WDR36: variants seen among roughly 807,000 people sequenced by gnomAD.
WDR36 encodes WD repeat domain 36.
WDR36 carries 63 observed loss-of-function variants against 112.7 expected under a neutral mutation model. The observed-to-expected ratio is 0.56, with a 90% CI of 0.46 to 0.69. WDR36 has a LOEUF of 0.69. Ranked by LOEUF, WDR36 falls within the 30% of genes least tolerant of loss-of-function variation. The probability of loss-of-function intolerance (pLI) is 0.00; values close to 1 mark genes in which losing one functional copy is unlikely to be tolerated. For missense variants in WDR36, 1,226 were observed against 1,070.3 expected, an observed-to-expected ratio of 1.15 and a Z score of -2.03; for synonymous variants, 410 against 362.2, an observed-to-expected ratio of 1.13 and a Z score of -1.50.
At chr5:111,110,729 G>C in intron 13 of WDR36, 59 bp from the exon 14 acceptor site, 1 of 1,547,588 alleles carries the variant, frequency 6.5e-7, no homozygotes. Context: ...TGTGTGTATT[G>C]TTCAGAGAGA....
In WDR36 at chr5:111,109,149, A is replaced by G. The variant is rs1220418977; in HGVS notation, c.1327-1040A>G. Among the ~76,000 whole-genome samples the G allele has an allele frequency of 2.0e-5, 3 of 151,308 alleles. No homozygotes were observed. In the East Asian group the frequency reaches 5.8e-4, roughly 29 times the overall value. On this transcript the variant is annotated intron_variant, in intron 12 of 22. Coordinates refer to ENST00000513710, the MANE Select transcript of WDR36 (RefSeq NM_139281.3). The stretch of plus-strand genomic sequence containing the variant: ...CCCCTAAAAAAATGTAAAGCAGGAC[A>G]ATGTAGGGCCTGTATTACTTGCAGG...
At chr5:111,101,528 A>C (rs892076729) in intron 5 of WDR36, among the ~76,000 whole-genome samples, 1 of 151,874 alleles carries the variant, frequency 6.6e-6, no homozygotes, top group African/African-American at 2.4e-5. Flanking sequence ...TCTAATATTG[A>C]TGTAGCTAGA....
At chr5:111,099,343 A>G (rs1753063862) in intron 4 of WDR36, among the ~76,000 whole-genome samples, 1 of 151,870 alleles carries the variant, frequency 6.6e-6, no homozygotes, top group African/African-American at 2.4e-5. Flanking sequence ...TATCCCTAGG[A>G]TATCTACACC....
rs902856833 is a variant in WDR36 at position 111,092,732 on chromosome 5, C to A, written c.162+114C>A. 2.5e-4 allele frequency: 311 copies of A among 1,234,442 alleles called. 1 individual carries two copies. The highest frequency in any genetic ancestry group is 3.4e-4 in the Non-Finnish European group (297 of 872,046). The allele number at this position is 1,234,442 out of a possible 1,614,324, so 76.5% of individuals were successfully genotyped here. A position where few individuals can be genotyped will look rare whatever the true frequency, so the allele number is the denominator to read the frequency against. On this transcript the variant is annotated intron_variant, in intron 1 of 22. Coordinates refer to ENST00000513710, the MANE Select transcript of WDR36 (RefSeq NM_139281.3). ...TTTACCACGGGCTTCCCTTCTTTAA[C>A]CCCTCCCTGTCCTATTAATATTTCG...
At position 111,110,319 on chromosome 5, in the gene WDR36, C is replaced by A; in HGVS notation, c.1441+16C>A. ...AAGGATCAAGGTAGAGAATTTTTTT[C>A]CTTGTTTTTTATTAATGTAGATAGA... On this transcript the variant is annotated intron_variant, in intron 13 of 22. Coordinates refer to ENST00000513710, the MANE Select transcript of WDR36 (RefSeq NM_139281.3). 1 of 1,592,344 alleles carries A rather than the reference C, an allele frequency of 6.3e-7. No individual in the cohort carries two copies. Among genetic ancestry groups the A allele is most frequent in the Non-Finnish European group, 8.6e-7 (1 of 1,161,342 alleles).
intron 17 of WDR36, among the ~76,000 whole-genome samples, chr5:111,119,868 A>G (rs1233656553): frequency 6.6e-6 from 1 of 152,184 alleles, no homozygotes; most frequent in Admixed American, 6.5e-5. Flanking sequence ...AAGAATAGCT[A>G]TGAGCACTCA....
chr5:111,111,550 A>G, intron 15 of WDR36: 1 of 377,736 alleles, frequency 2.6e-6, no homozygotes, highest in Admixed American at 3.8e-5. Flanking sequence ...TGAATGATCC[A>G]TTGGTATATA....
chr5:111,126,842 A>G lies in WDR36; in HGVS notation c.2647A>G (p.Ser883Gly). 6.2e-7 allele frequency: 1 copy of G among 1,611,340 alleles called. No homozygotes were observed. The highest frequency in any genetic ancestry group is 2.2e-5 in the East Asian group (1 of 44,792). The change falls in exon 23 of 23, where the codon AGC becomes GGC. Residue 883 changes from serine (S) to glycine (G), a missense_variant. Ser to Gly is a moderately conservative substitution (Grantham distance 56). Transcript: ENST00000513710. The stretch of plus-strand genomic sequence containing the variant: ...CCATTTGCAATCACTCTTCAATCAA[A>G]GCATGTGTATTTTAAATTATCTCAA... ...WTHLQSLFNQ[S>G]MCILNYLKSA...
chr5:111,095,723 A>G (rs888843868), intron 2 of WDR36, among the ~76,000 whole-genome samples: 8 of 152,198 alleles, frequency 5.3e-5, no homozygotes, highest in Non-Finnish European at 1.5e-5. Flanking sequence ...AATCTGAAAC[A>G]CTTCTGGTCT....
intron 19 of WDR36, among the ~76,000 whole-genome samples, chr5:111,121,399 G>A (rs1753563801): frequency 6.6e-6 from 1 of 152,098 alleles, no homozygotes; most frequent in African/African-American, 2.4e-5. Flanking sequence ...CAGAGCTACT[G>A]GAAACTGATC....
intron 14 of WDR36, 102 bp downstream of exon 14, chr5:111,111,055 C>A: frequency 1.3e-6 from 2 of 1,553,122 alleles, no homozygotes; most frequent in Non-Finnish European, 1.8e-6. Context: ...TAATAAAGAA[C>A]AACATTTGGC....
intron 9 of WDR36, among the ~76,000 whole-genome samples, chr5:111,105,050 C>A (rs2112572950): frequency 6.6e-6 from 1 of 151,632 alleles, no homozygotes; most frequent in South Asian, 2.1e-4. Flanking sequence ...TGGTTAGATT[C>A]TAAAAATTCT....
intron 9 of WDR36, 49 bp downstream of exon 9, chr5:111,104,866 GT>G: frequency 6.2e-7 from 1 of 1,608,076 alleles, no homozygotes; most frequent in Non-Finnish European, 8.5e-7. Flanking sequence ...GTATTGAGAT[GT>G]GGGTGCCCAG....
intron 1 of WDR36, among the ~76,000 whole-genome samples, chr5:111,094,367 T>C (rs1752932609): frequency 6.6e-6 from 1 of 152,184 alleles, no homozygotes; most frequent in African/African-American, 2.4e-5. Context: ...GTCATACAGC[T>C]GGATCAGTAG....
At chr5:111,110,640 C>A in intron 13 of WDR36, 148 bp from the exon 14 acceptor site, 1 of 852,938 alleles carries the variant, frequency 1.2e-6, no homozygotes, top group Non-Finnish European at 1.9e-6. Flanking sequence ...AATCTTCTTA[C>A]ACCCCTAAAA....
At position 111,104,904 on chromosome 5, in the gene WDR36, T is replaced by TG. The variant is rs370240852; in HGVS notation, c.1027+87_1027+88insG. On this transcript the variant is annotated intron_variant, in intron 9 of 22. Coordinates refer to ENST00000513710, the MANE Select transcript of WDR36 (RefSeq NM_139281.3). ...ATGAGGTTTGATATTTACACATACT[T>TG]AGATTCACATATCTCTTTGAGTGAC... The TG allele has an allele frequency of 9.9e-4, 1,553 of 1,571,976 alleles. 12 individuals carry two copies. The African/African-American group carries it at 0.019, about 19-fold the overall frequency.
At chr5:111,113,044 A>ATATATG (rs767471658) in intron 15 of WDR36, 30 bp from the exon 16 acceptor site, 1 of 406,616 alleles carries the variant, frequency 2.5e-6, no homozygotes, top group Admixed American at 5.8e-5. Context: ...TAATATATAT[A>ATATATG]TATATATATT....
At chr5:111,125,841 G>A in intron 22 of WDR36, 46 bp downstream of exon 22, 2 of 1,606,534 alleles carry the variant, frequency 1.2e-6, no homozygotes, top group Non-Finnish European at 8.5e-7. Context: ...CTTCTTCTGG[G>A]GCAGTGCTAT....
Position 111,100,035 on chromosome 5 carries a change from AC to A in WDR36, c.410-548del, listed in dbSNP as rs745317907. On this transcript the variant is annotated intron_variant, in intron 4 of 22. Transcript: ENST00000513710. Reference sequence around the variant, plus strand: ...GGAGCAAGTGACCACTGGTGATGCCACCCCCCACTCCACAGGGTTATACGTT... The same window carrying A: ...GGAGCAAGTGACCACTGGTGATGCCACCCCCACTCCACAGGGTTATACGTT... Among the ~76,000 whole-genome samples the A allele has an allele frequency of 5.3e-5, 8 of 151,346 alleles. 1 individual carries two copies. The highest frequency in any genetic ancestry group is 1.9e-4 in the East Asian group (1 of 5,158).
Sources: gnomAD v4.1 joint callset for allele counts (sites outside exome capture counted in the v4.1 genomes callset) on GRCh38, gnomAD v4.1.1 for gene constraint, MANE v1.5 for transcripts, NCBI Gene and HGNC (gene_info 2026-07-23, HGNC 2026-07-21) for gene names.